Variants in ESYT1 observed in about 807,000 individuals in gnomAD.
The protein encoded by ESYT1 is extended synaptotagmin-1.
A neutral mutation model predicts 154.2 loss-of-function variants in ESYT1; 116 were observed. The ratio of observed to expected loss-of-function variants is 0.75; its 90% CI spans 0.65 to 0.88. The LOEUF (loss-of-function observed/expected upper bound fraction) is 0.88. Among genes scored for constraint, ESYT1 ranks in the 40% least tolerant of loss-of-function variants. ESYT1 has a pLI of 0.00. For missense variants in ESYT1, 1,264 were observed against 1,379.3 expected, an observed-to-expected ratio of 0.92 and a Z score of 1.32; for synonymous variants, 500 against 539.9, an observed-to-expected ratio of 0.93 and a Z score of 1.02.
At position 56,142,559 on chromosome 12, in the gene ESYT1, A is replaced by T. The variant is rs1185186286; in HGVS notation, c.2734-19A>T. ...GAACTGAGAGAACTCTGCCCAGCTC[A>T]CAGCTTTCTTGCCCCTAGATCCTGG... On this transcript the variant is annotated intron_variant, in intron 25 of 30. Coordinates refer to ENST00000394048, the MANE Select transcript of ESYT1 (RefSeq NM_015292.3). This position sits in a 1 kb window ranked among gnomAD's most constrained non-coding sequence, Gnocchi z 4.1. The T allele has an allele frequency of 1.5e-5, 25 of 1,613,954 alleles. No homozygotes were observed. The Admixed American group carries it at 4.2e-4, about 27-fold the overall frequency.
At chr12:56,133,064 T>C (rs979696413) in intron 10 of ESYT1, among the ~76,000 whole-genome samples, 1 of 151,734 alleles carries the variant, frequency 6.6e-6, no homozygotes, top group South Asian at 2.1e-4. Context: ...GAGTTTGCAG[T>C]GAGCCGAGAT....
chr12:56,135,148 G>A (rs1870396629), intron 15 of ESYT1, among the ~76,000 whole-genome samples: 1 of 151,460 alleles, frequency 6.6e-6, no homozygotes, highest in South Asian at 2.1e-4. Flanking sequence ...TGTAAATTAT[G>A]CCTCAATAAA....
intron 15 of ESYT1, among the ~76,000 whole-genome samples, chr12:56,136,018 G>T (rs2136876996): frequency 7.5e-6 from 1 of 132,626 alleles, no homozygotes; most frequent in Middle Eastern, 4.7e-3. Flanking sequence ...CTGATTTCAA[G>T]CACTGCACTC....
chr12:56,132,186 C>T, intron 7 of ESYT1, 23 bp from the exon 8 acceptor site: 2 of 1,614,134 alleles, frequency 1.2e-6, no homozygotes, highest in Non-Finnish European at 1.7e-6. Context: ...GCCATACCCA[C>T]TCCTTTCTAC....
chr12:56,134,601 A>AT (rs1204339908), intron 15 of ESYT1, among the ~76,000 whole-genome samples, 173 bp downstream of exon 15: 4,152 of 143,186 alleles, frequency 0.029, 107 homozygotes, highest in African/African-American at 0.066. Flanking sequence ...CCAGAATAAT[A>AT]TTTTTTTTTT....
intron 1 of ESYT1, 78 bp from the exon 2 acceptor site, chr12:56,130,504 C>T (rs1415748922): frequency 6.4e-7 from 1 of 1,569,212 alleles, no homozygotes; most frequent in African/African-American, 1.4e-5. Context: ...TCCTCTGTGG[C>T]ACACCACCAG....
At position 56,141,462 on chromosome 12, in the gene ESYT1, T is replaced by C. The variant is rs139044870; in HGVS notation, c.2593-823T>C. On this transcript the variant is annotated intron_variant, in intron 24 of 30. Transcript: ENST00000394048. ...CTGGTATAATTTCTGAAAGCTAGGT[T>C]GGGCGCGGTGGCTCACGCCTGTAAT... 8.2e-3 allele frequency among the ~76,000 whole-genome samples: 1,252 copies of C among 152,334 alleles called. 7 individuals are homozygous for C. Among genetic ancestry groups the C allele is most frequent in the Non-Finnish European group, 0.012 (807 of 68,030 alleles).
chr12:56,129,917 A>T (rs1592243737), intron 1 of ESYT1, among the ~76,000 whole-genome samples: 1 of 138,948 alleles, frequency 7.2e-6, no homozygotes, highest in African/African-American at 3.1e-5. Context: ...GGAAAAGGGG[A>T]CTTTTTTTTT....
At chr12:56,136,060 C>CAA (rs72370981) in intron 15 of ESYT1, among the ~76,000 whole-genome samples, 39 of 45,436 alleles carry the variant, frequency 8.6e-4, no homozygotes, top group East Asian at 3.4e-3. Context: ...ACTCTGTCTC[C>CAA]AAAAAAAAAA....
chr12:56,130,318 C>G, intron 1 of ESYT1: 5 of 563,054 alleles, frequency 8.9e-6, no homozygotes, highest in South Asian at 2.2e-5. Context: ...CTCTCTCTCT[C>G]AGCAGCTGTC....
At chr12:56,134,073 C>T in intron 13 of ESYT1, 37 bp from the exon 14 acceptor site, 1 of 1,612,668 alleles carries the variant, frequency 6.2e-7, no homozygotes, top group Non-Finnish European at 8.5e-7. Context: ...AAACCGAATC[C>T]CCCAAGATGG....
Position 56,143,806 on chromosome 12 carries a change from G to C in ESYT1, c.3276-17G>C. 6.2e-7 allele frequency: 1 copy of C among 1,614,068 alleles called. No homozygotes were observed. The highest frequency in any genetic ancestry group is 8.5e-7 in the Non-Finnish European group (1 of 1,179,980). On this transcript the variant is annotated splice_polypyrimidine_tract_variant and intron_variant, in intron 30 of 30. Transcript: ENST00000394048. ...TGACACAAGAGTCATCTTTCTACAT[G>C]AGCCCTCTTTTCACAGGTATGACCT...
intron 24 of ESYT1, 59 bp downstream of exon 24, chr12:56,139,072 C>A: frequency 7.6e-7 from 1 of 1,318,180 alleles, no homozygotes; most frequent in Non-Finnish European, 1.1e-6. Flanking sequence ...AGGCAGGAAA[C>A]CAGGCACAGA....
Position 56,138,273 on chromosome 12 carries a change from G to T in ESYT1, c.2337+1G>T, listed in dbSNP as rs1433072003. 6.2e-7 allele frequency: 1 copy of T among 1,614,208 alleles called. No individual in the cohort carries two copies. Among genetic ancestry groups the T allele is most frequent in the East Asian group, 2.2e-5 (1 of 44,878 alleles). Reference sequence around the variant, plus strand: ...TCCCACTGCTGCTGAGTTAGAGGAGGTAGGGCAGGAGACTTGAGGAAGGAA... The same window carrying T: ...TCCCACTGCTGCTGAGTTAGAGGAGTTAGGGCAGGAGACTTGAGGAAGGAA... On this transcript the variant is annotated splice_donor_variant, in intron 21 of 30. Coordinates refer to ENST00000394048, the MANE Select transcript of ESYT1 (RefSeq NM_015292.3). LOFTEE classifies it high-confidence loss of function.
chr12:56,128,298 G>A lies in ESYT1; in HGVS notation c.-22G>A. Reference sequence around the variant, plus strand: ...CCTCCAGCCAGTCCCTGGGTCGGGCGGATCCTCCCAGAGGTGGCACAATGG... The same window carrying A: ...CCTCCAGCCAGTCCCTGGGTCGGGCAGATCCTCCCAGAGGTGGCACAATGG... On this transcript the variant is annotated 5_prime_UTR_variant, in exon 1 of 31. Coordinates refer to ENST00000394048, the MANE Select transcript of ESYT1 (RefSeq NM_015292.3). 2 of 1,593,100 alleles carry A rather than the reference G, an allele frequency of 1.3e-6. No individual in the cohort carries two copies. Among genetic ancestry groups the A allele is most frequent in the Non-Finnish European group, 1.7e-6 (2 of 1,173,050 alleles).
Position 56,133,482 on chromosome 12 carries a change from G to A in ESYT1, c.1293+17G>A. The A allele has an allele frequency of 3.1e-6, 5 of 1,614,252 alleles. No individual in the cohort carries two copies. Among genetic ancestry groups the A allele is most frequent in the Non-Finnish European group, 3.4e-6 (4 of 1,180,046 alleles). On this transcript the variant is annotated intron_variant, in intron 11 of 30. Transcript: ENST00000394048. ...CTGGATGATGTAAGTTGGGAGAAGA[G>A]GAAGGTGGGGGCTGATCTCACCCTT...
At chr12:56,135,730 A>G (rs1870423017) in intron 15 of ESYT1, among the ~76,000 whole-genome samples, 1 of 151,334 alleles carries the variant, frequency 6.6e-6, no homozygotes, top group Non-Finnish European at 1.5e-5. Flanking sequence ...TATCTCTACT[A>G]AAAATACAAA....
At chr12:56,133,113 T>G (rs1038286044) in intron 10 of ESYT1, among the ~76,000 whole-genome samples, 2 of 151,578 alleles carry the variant, frequency 1.3e-5, no homozygotes, top group Admixed American at 6.6e-5. Flanking sequence ...AGAGCGAGAC[T>G]CTGTCTCTAA....
chr12:56,129,918 C>CT (rs11347989), intron 1 of ESYT1, among the ~76,000 whole-genome samples: 142 of 147,804 alleles, frequency 9.6e-4, no homozygotes, highest in Non-Finnish European at 1.4e-3. Flanking sequence ...GAAAAGGGGA[C>CT]TTTTTTTTTT....
Sources: gnomAD v4.1 joint callset for allele counts (sites outside exome capture counted in the v4.1 genomes callset) on GRCh38, gnomAD v4.1.1 for gene constraint, Gnocchi (gnomAD v3.1) non-coding constraint, MANE v1.5 for transcripts, NCBI Gene and HGNC (gene_info 2026-07-23, HGNC 2026-07-21) for gene names.